Variants in DACH2 observed in about 807,000 individuals in gnomAD.
DACH2 encodes dachshund homolog 2.
A neutral mutation model predicts 35.8 loss-of-function variants in DACH2; 17 were observed. The ratio of observed to expected loss-of-function variants is 0.48; its 90% CI spans 0.33 to 0.71. The LOEUF (loss-of-function observed/expected upper bound fraction) is 0.71. DACH2 is among the 30% of genes least tolerant of loss of function. The pLI, the probability that DACH2 is intolerant of heterozygous loss-of-function variation, is 0.02. For synonymous variants in DACH2, 195 were observed against 177.3 expected (o/e 1.10, Z -0.79); for missense variants, 469 against 472.7 (o/e 0.99, Z 0.07).
chrX:86,546,935 A>T (rs993293183), intron 3 of DACH2, among the ~76,000 whole-genome samples: 5 of 109,866 alleles, frequency 4.6e-5, no homozygotes, highest in Admixed American at 9.7e-5. Context: ...GCCCATTTTC[A>T]CTTGTTTTTA....
chrX:86,648,731 T>A (rs1016508922), intron 3 of DACH2, among the ~76,000 whole-genome samples: 20 of 110,955 alleles, frequency 1.8e-4, no homozygotes, highest in African/African-American at 6.5e-4. Flanking sequence ...GTACACATTA[T>A]ATATGTACAG....
chrX:86,745,639 T>C (rs2041704261), intron 7 of DACH2, among the ~76,000 whole-genome samples: 1 of 111,398 alleles, frequency 9.0e-6, no homozygotes. Flanking sequence ...ATATGTACCA[T>C]GTTTTTAATG....
chrX:86,597,159 G>C (rs2039723514), intron 3 of DACH2, among the ~76,000 whole-genome samples: 1 of 111,817 alleles, frequency 8.9e-6, no homozygotes, highest in South Asian at 3.7e-4. Flanking sequence ...GGGTTTCCTA[G>C]TTCTGCAAAA....
chrX:86,729,875 T>A (rs566889349), intron 6 of DACH2, among the ~76,000 whole-genome samples: 1 of 111,992 alleles, frequency 8.9e-6, no homozygotes, highest in East Asian at 2.8e-4. Flanking sequence ...ACACGAGTGC[T>A]ATGCTTCCTG....
At chrX:86,643,570 C>T (rs1431428553) in intron 3 of DACH2, among the ~76,000 whole-genome samples, 1 of 111,326 alleles carries the variant, frequency 9.0e-6, no homozygotes, top group Non-Finnish European at 1.9e-5. Context: ...GAAATTATTT[C>T]AAACAACTGA....
Position 86,236,509 on chromosome X carries a change from A to G in DACH2, c.488+87401A>G, listed in dbSNP as rs114481778. Among the ~76,000 whole-genome samples, 840 of 112,211 alleles carry G rather than the reference A, an allele frequency of 7.5e-3. 7 individuals are homozygous for G. The highest frequency in any genetic ancestry group is 0.025 in the African/African-American group (762 of 30,896). On this transcript the variant is annotated intron_variant, in intron 1 of 11. Transcript: ENST00000373125. ...TTTTGTCATTGTGCTAGGGTTATAC[A>G]GTACACTTACACAAATTTCAATGAA...
chrX:86,628,064 T>C (rs2040158036), intron 3 of DACH2, among the ~76,000 whole-genome samples: 1 of 112,084 alleles, frequency 8.9e-6, no homozygotes, highest in African/African-American at 3.2e-5. Context: ...CCCTTTTTCC[T>C]CCTCCTGCTG....
intron 6 of DACH2, among the ~76,000 whole-genome samples, chrX:86,716,249 T>G (rs2148461341): frequency 8.9e-6 from 1 of 112,175 alleles, no homozygotes; most frequent in South Asian, 3.7e-4. Context: ...GCTCTGTTAT[T>G]AAAATATTTG....
At chrX:86,742,174 G>T (rs1258148021) in intron 7 of DACH2, among the ~76,000 whole-genome samples, 2 of 110,290 alleles carry the variant, frequency 1.8e-5, no homozygotes, top group Non-Finnish European at 3.8e-5. Context: ...ATGATACCAA[G>T]ATTGTCTATA....
At chrX:86,593,032 G>A (rs1310574661) in intron 3 of DACH2, among the ~76,000 whole-genome samples, 1 of 110,929 alleles carries the variant, frequency 9.0e-6, no homozygotes, top group Admixed American at 9.6e-5. Flanking sequence ...ATGTTGGCTT[G>A]GACTTTCAGT....
chrX:86,337,426 C>T (rs2035332765), intron 1 of DACH2, among the ~76,000 whole-genome samples: 1 of 112,067 alleles, frequency 8.9e-6, no homozygotes. Context: ...CAATATTCAA[C>T]ATTCTTAGAG....
chrX:86,213,533 C>T (rs1328625078), intron 1 of DACH2, among the ~76,000 whole-genome samples: 1 of 111,092 alleles, frequency 9.0e-6, no homozygotes, highest in African/African-American at 3.3e-5. Context: ...TTTCCTTGAC[C>T]TTTCTGCAGC....
intron 2 of DACH2, among the ~76,000 whole-genome samples, chrX:86,416,442 G>T (rs1046929542): frequency 8.9e-5 from 10 of 111,868 alleles, no homozygotes; most frequent in African/African-American, 3.3e-4. Context: ...GTGTATGTGT[G>T]TGTGGGCACA....
intron 3 of DACH2, among the ~76,000 whole-genome samples, chrX:86,594,847 G>A (rs1417121486): frequency 9.0e-6 from 1 of 111,601 alleles, no homozygotes; most frequent in East Asian, 2.8e-4. Context: ...CTGTCGGCCA[G>A]GTCTGTGAAT....
chrX:86,527,956 C>G (rs371604462), intron 3 of DACH2, among the ~76,000 whole-genome samples: 29 of 111,990 alleles, frequency 2.6e-4, no homozygotes, highest in East Asian at 2.5e-3. Context: ...TAAAGTAAGT[C>G]ATACTTTGTT....
At chrX:86,247,367 C>T (rs2033307295) in intron 1 of DACH2, among the ~76,000 whole-genome samples, 1 of 110,725 alleles carries the variant, frequency 9.0e-6, no homozygotes, top group South Asian at 3.8e-4. Context: ...ATCAATAGAC[C>T]ACTAGCTAGA....
At chrX:86,757,573 T>C (rs1032328885) in intron 7 of DACH2, among the ~76,000 whole-genome samples, 1 of 112,509 alleles carries the variant, frequency 8.9e-6, no homozygotes, top group Non-Finnish European at 1.9e-5. Context: ...AAATCTCATC[T>C]TGAATTGTAA....
At chrX:86,161,157 C>T in intron 1 of DACH2, 2 of 1,148,329 alleles carry the variant, frequency 1.7e-6, no homozygotes, top group Admixed American at 2.2e-5. Context: ...TTCCTCATAT[C>T]TCTTCTGGCT....
At chrX:86,404,379 G>C (rs1246498791) in intron 2 of DACH2, among the ~76,000 whole-genome samples, 1 of 111,943 alleles carries the variant, frequency 8.9e-6, no homozygotes, top group Non-Finnish European at 1.9e-5. Context: ...CAGGCATTGG[G>C]TAAATAAACC....
Sources: allele counts gnomAD v4.1 joint callset (sites outside exome capture counted in the v4.1 genomes callset), GRCh38; gene constraint gnomAD v4.1.1; transcripts MANE v1.5; gene names NCBI Gene and HGNC (gene_info 2026-07-23, HGNC 2026-07-21).